ITPK1: variants seen among roughly 807,000 people sequenced by gnomAD.
ITPK1 encodes inositol-tetrakisphosphate 1-kinase.
In ITPK1, 21 loss-of-function variants were observed where a neutral mutation model predicts 45.3. The ratio of observed to expected loss-of-function variants is 0.46; its 90% CI spans 0.33 to 0.67. The LOEUF (loss-of-function observed/expected upper bound fraction) is 0.67. Among genes scored for constraint, ITPK1 ranks in the 30% least tolerant of loss-of-function variants. The pLI, the probability that ITPK1 is intolerant of heterozygous loss-of-function variation, is 0.02. For missense variants in ITPK1, 474 were observed against 573.5 expected (o/e 0.83, Z 1.77); for synonymous variants, 258 against 253.6 (o/e 1.02, Z -0.16).
intron 5 of ITPK1, among the ~76,000 whole-genome samples, chr14:92,983,892 G>T (rs1404794746): frequency 6.6e-6 from 1 of 152,060 alleles, no homozygotes; most frequent in South Asian, 2.1e-4. Context: ...ATTCATTCAT[G>T]TATGGAAATA....
At chr14:92,995,201 G>C (rs951215401) in intron 4 of ITPK1, among the ~76,000 whole-genome samples, 6 of 152,164 alleles carry the variant, frequency 3.9e-5, no homozygotes, top group Non-Finnish European at 7.3e-5. Flanking sequence ...CTCCCTGTTT[G>C]TGATACTTGG....
At chr14:93,065,568 A>G (rs1042874096) in intron 3 of ITPK1, among the ~76,000 whole-genome samples, 39 of 152,220 alleles carry the variant, frequency 2.6e-4, no homozygotes, top group African/African-American at 9.4e-4. Context: ...TAACCTGTCC[A>G]GTTCTAAGTC....
chr14:92,940,066 C>T lies in ITPK1; in HGVS notation c.*1495G>A, dbSNP rs575774971. ...GCCGGGCAGTTCTGATGGCCTCTGC[C>T]CCTCGCCCAAGCCCTGTGCCTCCCT... On this transcript the variant is annotated 3_prime_UTR_variant, in exon 11 of 11. Coordinates refer to ENST00000267615, the MANE Select transcript of ITPK1 (RefSeq NM_014216.6). 5.1e-6 allele frequency: 5 copies of T among 985,730 alleles called. No individual in the cohort carries two copies. In the East Asian group the frequency reaches 5.7e-4, roughly 112 times the overall value. The allele number at this position is 985,730 out of a possible 1,614,324, so 61.1% of individuals were successfully genotyped here.
At chr14:92,952,077 C>G (rs1246851982) in intron 8 of ITPK1, 64 bp from the exon 9 acceptor site, 5 of 1,309,922 alleles carry the variant, frequency 3.8e-6, no homozygotes, top group Admixed American at 2.0e-5. Context: ...CTGCCGCCAC[C>G]TGACACCAGG....
chr14:93,048,275 G>A (rs150237204), intron 3 of ITPK1, among the ~76,000 whole-genome samples: 2 of 152,356 alleles, frequency 1.3e-5, no homozygotes, highest in East Asian at 3.9e-4. Flanking sequence ...GGCCTTCAAA[G>A]CTTTGTTTCA....
chr14:93,046,780 A>T (rs995421220), intron 3 of ITPK1, among the ~76,000 whole-genome samples: 1 of 152,196 alleles, frequency 6.6e-6, no homozygotes, highest in South Asian at 2.1e-4. Context: ...ACGATGGTTC[A>T]TTACCATCAA....
chr14:92,977,306 G>T (rs1885996392), intron 5 of ITPK1, among the ~76,000 whole-genome samples: 1 of 152,234 alleles, frequency 6.6e-6, no homozygotes, highest in South Asian at 2.1e-4. Flanking sequence ...GTCTGACATG[G>T]CCCTGGGGGA....
chr14:92,939,627 C>T lies in ITPK1; in HGVS notation c.*1934G>A. On this transcript the variant is annotated 3_prime_UTR_variant, in exon 11 of 11. Transcript: ENST00000267615. ...CCACCACGGAGGCCTATGGACGCCA[C>T]CACGACACCACATGGCAGTTACTCG... is the stretch of plus-strand genomic sequence containing the variant. 1.0e-6 allele frequency: 1 copy of T among 971,980 alleles called. No individual in the cohort carries two copies. Among genetic ancestry groups the T allele is most frequent in the Non-Finnish European group, 1.2e-6 (1 of 817,758 alleles). 60.2% of individuals were successfully genotyped at this position (971,980 alleles called of 1,614,324 possible).
intron 3 of ITPK1, among the ~76,000 whole-genome samples, chr14:93,020,665 C>T (rs1440196691): frequency 1.3e-5 from 2 of 152,154 alleles, no homozygotes; most frequent in South Asian, 2.1e-4. Flanking sequence ...CCTGCTCCTG[C>T]GCTGGGGGCT....
At chr14:93,060,440 A>G (rs758686744) in intron 3 of ITPK1, among the ~76,000 whole-genome samples, 2 of 152,072 alleles carry the variant, frequency 1.3e-5, no homozygotes, top group African/African-American at 2.4e-5. Context: ...GCACAGAACC[A>G]CCAGGCTACG....
chr14:93,031,391 G>A (rs1056043499), intron 3 of ITPK1, among the ~76,000 whole-genome samples: 2 of 152,224 alleles, frequency 1.3e-5, no homozygotes, highest in African/African-American at 4.8e-5. Context: ...GACCGCTGTG[G>A]AAGTTAACAC....
intron 4 of ITPK1, among the ~76,000 whole-genome samples, chr14:93,007,089 T>G (rs1044796192): frequency 6.6e-6 from 1 of 152,214 alleles, no homozygotes; most frequent in Non-Finnish European, 1.5e-5. Context: ...GTCGGTCATC[T>G]GGCCCACTGT....
chr14:93,073,660 G>C (rs1158916229), intron 3 of ITPK1, among the ~76,000 whole-genome samples: 1 of 152,130 alleles, frequency 6.6e-6, no homozygotes, highest in Non-Finnish European at 1.5e-5. Context: ...GGTAATAAGA[G>C]GAACAGAAGC....
chr14:93,035,689 G>T (rs1370415769), intron 3 of ITPK1, among the ~76,000 whole-genome samples: 1 of 152,216 alleles, frequency 6.6e-6, no homozygotes, highest in Non-Finnish European at 1.5e-5. Context: ...ACTGCATGAG[G>T]CCCAGAATGG....
chr14:92,982,288 T>C (rs919008294), intron 5 of ITPK1, among the ~76,000 whole-genome samples: 1 of 152,228 alleles, frequency 6.6e-6, no homozygotes, highest in African/African-American at 2.4e-5. Flanking sequence ...GACTCGGTTC[T>C]GTTGCATTGC....
intron 3 of ITPK1, among the ~76,000 whole-genome samples, chr14:93,038,052 A>G (rs1453223230): frequency 6.6e-6 from 1 of 151,708 alleles, no homozygotes; most frequent in Non-Finnish European, 1.5e-5. Context: ...GTGACATGAC[A>G]TATTCTTTTT....
chr14:92,942,751 C>A lies in ITPK1; in HGVS notation c.902-847G>T, dbSNP rs1887496287. 3.3e-5 allele frequency among the ~76,000 whole-genome samples: 5 copies of A among 152,240 alleles called. No individual in the cohort carries two copies. The South Asian group carries it at 1.0e-3, about 31-fold the overall frequency. On this transcript the variant is annotated intron_variant, in intron 10 of 10. Transcript: ENST00000267615. ...GAACATCAGCAGAGCCCTCGGGAGC[C>A]ACCAAGCAGGTTTCGGATCTCAGGG...
In ITPK1 at chr14:92,940,015, T is replaced by A; in HGVS notation, c.*1546A>T. 1.1e-5 allele frequency: 11 copies of A among 985,836 alleles called. No homozygotes were observed. The highest frequency in any genetic ancestry group is 1.3e-5 in the Non-Finnish European group (11 of 829,930). 61.1% of individuals were successfully genotyped at this position (985,836 alleles called of 1,614,324 possible). Reference sequence around the variant, plus strand: ...ACTCAAGTCGTGTAAACGTGGTTAGTTGTTGGGTCCTCAGTTTCCAAAAAA... The same window carrying A: ...ACTCAAGTCGTGTAAACGTGGTTAGATGTTGGGTCCTCAGTTTCCAAAAAA... On this transcript the variant is annotated 3_prime_UTR_variant, in exon 11 of 11. Coordinates refer to ENST00000267615, the MANE Select transcript of ITPK1 (RefSeq NM_014216.6).
In ITPK1 at chr14:92,938,775, A is replaced by AC; in HGVS notation, c.*2785dup. 1.7e-6 allele frequency: 1 copy of AC among 588,172 alleles called. No individual in the cohort carries two copies. Among genetic ancestry groups the AC allele is most frequent in the East Asian group, 2.8e-5 (1 of 35,448 alleles). The allele number at this position is 588,172 out of a possible 1,614,324, so 36.4% of individuals were successfully genotyped here. ...TCCCCTTGGCTCTTGGGGTGGGGAC[A>AC]CCCAGCAGCTGGCACTCAGTTGGGG... On this transcript the variant is annotated 3_prime_UTR_variant, in exon 11 of 11. Coordinates refer to ENST00000267615, the MANE Select transcript of ITPK1 (RefSeq NM_014216.6).
Sources: gnomAD v4.1 joint callset for allele counts (sites outside exome capture counted in the v4.1 genomes callset) on GRCh38, gnomAD v4.1.1 for gene constraint, MANE v1.5 for transcripts, NCBI Gene and HGNC (gene_info 2026-07-23, HGNC 2026-07-21) for gene names.